Variants in SMC5 observed in about 807,000 individuals in gnomAD.
The protein encoded by SMC5 is structural maintenance of chromosomes 5, also known as structural maintenance of chromosomes protein 5.
SMC5 carries 88 observed loss-of-function variants against 148.3 expected under a neutral mutation model. The observed-to-expected ratio is 0.59, with a 90% CI of 0.50 to 0.71. The LOEUF (loss-of-function observed/expected upper bound fraction) is 0.71. Ranked by LOEUF, SMC5 falls within the 30% of genes least tolerant of loss-of-function variation. SMC5 has a pLI of 0.00. For missense variants in SMC5, 1,142 were observed against 1,298.9 expected (o/e 0.88, Z 1.86); for synonymous variants, 421 against 432.8 (o/e 0.97, Z 0.34).
rs114501148 is a variant in SMC5 at position 70,308,702 on chromosome 9, T to C, written c.1578+3342T>C. Among the ~76,000 whole-genome samples the C allele has an allele frequency of 3.9e-3, 596 of 152,126 alleles. 3 individuals carry two copies. The highest frequency in any genetic ancestry group is 0.013 in the African/African-American group (552 of 41,500). On this transcript the variant is annotated intron_variant, in intron 11 of 24. Transcript: ENST00000361138. ...TCTCTCAACATTTTTTCTTTTTCAT[T>C]GTATTAAGTTTTACACATCTCTTGT...
Position 70,271,196 on chromosome 9 carries a change from A to G in SMC5, c.380+3221A>G, listed in dbSNP as rs994320356. Among the ~76,000 whole-genome samples the G allele has an allele frequency of 1.3e-4, 20 of 152,122 alleles. 1 individual carries two copies. Among genetic ancestry groups the G allele is most frequent in the Non-Finnish European group, 4.4e-5 (3 of 68,028 alleles). On this transcript the variant is annotated intron_variant, in intron 3 of 24. Coordinates refer to ENST00000361138, the MANE Select transcript of SMC5 (RefSeq NM_015110.4). The stretch of plus-strand genomic sequence containing the variant: ...GAGTATACAGGGATACTCAACCTGT[A>G]TATCACAGTATCATAATGTAAATTA...
chr9:70,315,346 A>C, intron 12 of SMC5, 100 bp from the exon 13 acceptor site: 1 of 684,198 alleles, frequency 1.5e-6, no homozygotes, highest in Non-Finnish European at 2.2e-6. Context: ...TTGTTGAAAT[A>C]ATGTATGTTT....
rs2036139475 is a variant in SMC5 at position 70,328,412 on chromosome 9, AATC to A, written c.2397+4271_2397+4273del. On this transcript the variant is annotated intron_variant, in intron 17 of 24. Coordinates refer to ENST00000361138, the MANE Select transcript of SMC5 (RefSeq NM_015110.4). ...AAATACCCCCTTTCAAAAAGGGAGA[AATC>A]AGCCAAAACGAAGGAACTACAGGCC... Among the ~76,000 whole-genome samples the A allele has an allele frequency of 2.0e-5, 3 of 152,202 alleles. No homozygotes were observed. The South Asian group carries it at 6.2e-4, about 31-fold the overall frequency.
At position 70,271,340 on chromosome 9, in the gene SMC5, G is replaced by A. The variant is rs73647450; in HGVS notation, c.380+3365G>A. Among the ~76,000 whole-genome samples the A allele has an allele frequency of 8.2e-3, 1,249 of 152,132 alleles. 17 individuals carry two copies. The highest frequency in any genetic ancestry group is 0.029 in the African/African-American group (1,203 of 41,504). ...ATAAATAAAATTTAAGTATATAAAC[G>A]TCAAGCACTTTTTCCACGAAGGTTC... On this transcript the variant is annotated intron_variant, in intron 3 of 24. Coordinates refer to ENST00000361138, the MANE Select transcript of SMC5 (RefSeq NM_015110.4).
At chr9:70,335,462 A>G (rs11142374) in intron 17 of SMC5, among the ~76,000 whole-genome samples, 32,149 of 152,090 alleles carry the variant, frequency 0.21, 3,537 homozygotes, top group South Asian at 0.28. Flanking sequence ...GCTATAGCCT[A>G]GGCAGTAGAG....
chr9:70,334,129 GTT>G (rs75387148), intron 17 of SMC5, among the ~76,000 whole-genome samples: 12 of 133,964 alleles, frequency 9.0e-5, no homozygotes, highest in Admixed American at 7.6e-5. Context: ...AGTTGTTGTT[GTT>G]TTTTTTTTTT....
chr9:70,340,954 G>C (rs991654814), intron 17 of SMC5, among the ~76,000 whole-genome samples: 1 of 152,142 alleles, frequency 6.6e-6, no homozygotes, highest in East Asian at 1.9e-4. Context: ...GGGATATTTT[G>C]TACATTTCAC....
intron 2 of SMC5, among the ~76,000 whole-genome samples, chr9:70,265,800 T>C (rs1348277633): frequency 6.6e-6 from 1 of 152,344 alleles, no homozygotes; most frequent in East Asian, 1.9e-4. Flanking sequence ...ACGAAAGTTT[T>C]AATTCACTGG....
At chr9:70,347,194 C>A (rs776584534) in intron 20 of SMC5, 33 bp downstream of exon 20, 1 of 1,556,332 alleles carries the variant, frequency 6.4e-7, no homozygotes, top group South Asian at 1.1e-5. Flanking sequence ...ATTCTGCATC[C>A]AACCACCACC....
intron 17 of SMC5, among the ~76,000 whole-genome samples, chr9:70,342,673 A>G (rs2036559259): frequency 6.6e-6 from 1 of 152,204 alleles, no homozygotes; most frequent in African/African-American, 2.4e-5. Context: ...TGGGATTAGA[A>G]CAATTAACAG....
At chr9:70,308,161 C>T (rs560103600) in intron 11 of SMC5, among the ~76,000 whole-genome samples, 35 of 152,196 alleles carry the variant, frequency 2.3e-4, no homozygotes, top group Admixed American at 1.1e-3. Context: ...CTACTACTTA[C>T]AATTGCAGTC....
chr9:70,337,006 A>T (rs2036374890), intron 17 of SMC5, among the ~76,000 whole-genome samples: 4 of 152,156 alleles, frequency 2.6e-5, no homozygotes, highest in Non-Finnish European at 5.9e-5. Context: ...GAAAGCTTGT[A>T]CAGGGAAACT....
chr9:70,318,853 C>G lies in SMC5; in HGVS notation c.2040C>G (p.Ser680Arg). The G allele has an allele frequency of 1.2e-6, 2 of 1,608,554 alleles. No homozygotes were observed. The highest frequency in any genetic ancestry group is 1.1e-5 in the South Asian group (1 of 89,414). Residue 680 changes from serine to arginine, a missense_variant, in exon 15 of 25, where the codon AGC (serine) becomes AGG (arginine). Ser to Arg is a moderately radical substitution (Grantham distance 110). Coordinates refer to ENST00000361138, the MANE Select transcript of SMC5 (RefSeq NM_015110.4). ...DSGLIALRET[S>R]KHLEHKDNEL... is the part of the protein sequence containing the mutation. ...GGTTGATTGCCTTACGTGAAACAAG[C>G]AAACATCTGGAGCACAAAGACAATG... is the stretch of plus-strand genomic sequence containing the variant.
At chr9:70,269,900 TTTAA>T (rs1329042521) in intron 3 of SMC5, among the ~76,000 whole-genome samples, 1 of 152,148 alleles carries the variant, frequency 6.6e-6, no homozygotes, top group East Asian at 1.9e-4. Context: ...AAAGTGGCAG[TTTAA>T]TTAAGTGTGG....
At chr9:70,283,343 A>G (rs771465302) in intron 7 of SMC5, among the ~76,000 whole-genome samples, 6 of 152,084 alleles carry the variant, frequency 3.9e-5, no homozygotes, top group Admixed American at 2.0e-4. Context: ...GTGTGTGCCT[A>G]TAGGTCCCTG....
At chr9:70,276,945 A>G (rs1384887605) in intron 3 of SMC5, among the ~76,000 whole-genome samples, 4 of 152,148 alleles carry the variant, frequency 2.6e-5, no homozygotes, top group African/African-American at 9.7e-5. Context: ...ACCCTTTAAT[A>G]TACTAACACA....
In SMC5 at chr9:70,342,657, C is replaced by A. The variant is rs574464602; in HGVS notation, c.2398-1487C>A. On this transcript the variant is annotated intron_variant, in intron 17 of 24. Coordinates refer to ENST00000361138, the MANE Select transcript of SMC5 (RefSeq NM_015110.4). ...TAGAGATAACCCTTTTCTTTAAGAT[C>A]ATAATTGGGATTAGAACAATTAACA... Among the ~76,000 whole-genome samples, 132 of 152,236 alleles carry A rather than the reference C, an allele frequency of 8.7e-4. 1 individual carries two copies. The South Asian group carries it at 0.026, about 29-fold the overall frequency.
At chr9:70,261,505 C>T (rs1564017054) in intron 1 of SMC5, among the ~76,000 whole-genome samples, 1 of 152,130 alleles carries the variant, frequency 6.6e-6, no homozygotes, top group Non-Finnish European at 1.5e-5. Context: ...GAAGAGGGAG[C>T]AGTTTGAGGA....
At chr9:70,266,927 G>GT (rs2117991431) in intron 2 of SMC5, among the ~76,000 whole-genome samples, 1 of 152,020 alleles carries the variant, frequency 6.6e-6, no homozygotes, top group South Asian at 2.1e-4. Context: ...ACTGTCCAAT[G>GT]TTTAACAACT....
Sources: allele counts gnomAD v4.1 joint callset (sites outside exome capture counted in the v4.1 genomes callset), GRCh38; gene constraint gnomAD v4.1.1; transcripts MANE v1.5; gene names NCBI Gene and HGNC (gene_info 2026-07-23, HGNC 2026-07-21).